TARS1: variants seen among roughly 807,000 people sequenced by gnomAD.
The protein encoded by TARS1 is threonyl-tRNA synthetase 1, also known as threonine--tRNA ligase 1, cytoplasmic.
A neutral mutation model predicts 97.7 loss-of-function variants in TARS1; 57 were observed. The ratio of observed to expected loss-of-function variants is 0.58; its 90% confidence interval spans 0.47 to 0.73. TARS1 has a LOEUF of 0.73. TARS1 is among the 30% of genes least tolerant of loss of function. The pLI is 0.00. For missense variants in TARS1, 806 were observed against 888.3 expected (o/e 0.91, Z 1.18); for synonymous variants, 312 against 293.7 (o/e 1.06, Z -0.64).
At chr5:33,453,589 A>G (rs868402981) in intron 4 of TARS1, among the ~76,000 whole-genome samples, 177 bp downstream of exon 4, 16 of 152,306 alleles carry the variant, frequency 1.1e-4, no homozygotes, top group Middle Eastern at 3.4e-3. Context: ...TGCCTTAGAA[A>G]ATAAAGGGGT....
chr5:33,458,773 GA>G (rs1281073542), intron 10 of TARS1, 109 bp downstream of exon 10: 1 of 903,750 alleles, frequency 1.1e-6, no homozygotes, highest in African/African-American at 1.7e-5. Context: ...AAATATATAA[GA>G]CGATAAGTAA....
At position 33,448,699 on chromosome 5, in the gene TARS1, A is replaced by G; in HGVS notation, c.297A>G (p.Lys99=). 1 of 1,613,756 alleles carries G rather than the reference A, an allele frequency of 6.2e-7. No individual in the cohort carries two copies. Among genetic ancestry groups the G allele is most frequent in the Non-Finnish European group, 8.5e-7 (1 of 1,179,818 alleles). The change falls in exon 3 of 19, where the codon AAA becomes AAG. Residue 99 remains lysine, a synonymous_variant. Transcript: ENST00000265112. ...AACAGGTTGATGCGGAATCTTGGAA[A>G]ACTACACCATATCAAATTGCCTGTG... ...DGKQVDAESW[K]TTPYQIACGI...
intron 3 of TARS1, among the ~76,000 whole-genome samples, chr5:33,452,722 T>G (rs1181664034): frequency 2.0e-5 from 3 of 152,158 alleles, no homozygotes; most frequent in Non-Finnish European, 4.4e-5. Context: ...AGAAAGGATC[T>G]GGTGTACATT....
chr5:33,457,422 A>T lies in TARS1; in HGVS notation c.984+19A>T, dbSNP rs1393717665. 2.2e-5 allele frequency: 35 copies of T among 1,610,604 alleles called. No homozygotes were observed. The highest frequency in any genetic ancestry group is 3.0e-5 in the Non-Finnish European group (35 of 1,178,424). The stretch of plus-strand genomic sequence containing the variant: ...TGGCAGGGTATGTTCAAGAACAATG[A>T]TGTGTCTTGACTGAGTTTTCTTCAA... On this transcript the variant is annotated intron_variant, in intron 9 of 18. Coordinates refer to ENST00000265112, the MANE Select transcript of TARS1 (RefSeq NM_152295.5).
chr5:33,458,759 G>GA, intron 10 of TARS1, 95 bp downstream of exon 10: 2 of 999,648 alleles, frequency 2.0e-6, no homozygotes, highest in Non-Finnish European at 2.9e-6. Context: ...CTGTATTTGA[G>GA]AAGAAATATA....
chr5:33,462,790 A>G (rs1235535917), intron 16 of TARS1, among the ~76,000 whole-genome samples: 9 of 152,252 alleles, frequency 5.9e-5, no homozygotes, highest in African/African-American at 1.7e-4. Flanking sequence ...AAAGCAGCAC[A>G]GGGTTATAAA....
chr5:33,460,950 G>A lies in TARS1; in HGVS notation c.1299G>A (p.Arg433=). The A allele has an allele frequency of 6.2e-7, 1 of 1,614,152 alleles. No homozygotes were observed. Among genetic ancestry groups the A allele is most frequent in the Non-Finnish European group, 8.5e-7 (1 of 1,180,036 alleles). The change falls in exon 12 of 19, where the codon CGG becomes CGA. Residue 433 remains arginine (R), a synonymous_variant. Transcript: ENST00000265112. ...RPRSWRELPL[R]LADFGVLHRN... The stretch of plus-strand genomic sequence containing the variant: ...GGTCCTGGCGAGAACTGCCTCTGCG[G>A]CTAGCTGATTTTGGGGTACTTCATA...
intron 8 of TARS1, 103 bp downstream of exon 8, chr5:33,456,330 G>A: frequency 1.1e-6 from 1 of 944,998 alleles, no homozygotes; most frequent in Non-Finnish European, 1.6e-6. Context: ...GCACATGAAA[G>A]GATGGTATTT....
In TARS1 at chr5:33,467,625, G is replaced by A. The variant is rs867579611; in HGVS notation, c.2089G>A (p.Gly697Arg). The A allele has an allele frequency of 3.7e-6, 6 of 1,613,866 alleles. No homozygotes were observed. The highest frequency in any genetic ancestry group is 3.3e-5 in the South Asian group (3 of 91,048). The change falls in exon 19 of 19, where the codon GGG becomes AGG. Residue 697 changes from glycine (G) to arginine (R), a missense_variant. Coordinates refer to ENST00000265112, the MANE Select transcript of TARS1 (RefSeq NM_152295.5). ...NIRTRDNKVH[G>R]ERTISETIER... Reference sequence around the variant, plus strand: ...CCGCACAAGAGACAATAAGGTCCACGGGGAACGCACCATTTCTGAAACTAT... The same window carrying A: ...CCGCACAAGAGACAATAAGGTCCACAGGGAACGCACCATTTCTGAAACTAT...
At position 33,448,633 on chromosome 5, in the gene TARS1, A is replaced by G. The variant is rs146538659; in HGVS notation, c.231A>G (p.Glu77=). Residue 77 remains glutamate (E), a synonymous_variant, in exon 3 of 19, where the codon GAA becomes GAG. Transcript: ENST00000265112. ...EHDSILAEKA[E]KDSKPIKVTL... is the part of the protein sequence containing the mutation. Reference sequence around the variant, plus strand: ...ATTCCATTCTGGCAGAAAAGGCAGAAAAAGATAGCAAGCCAATTAAAGTCA... The same window carrying G: ...ATTCCATTCTGGCAGAAAAGGCAGAGAAAGATAGCAAGCCAATTAAAGTCA... The G allele has an allele frequency of 6.2e-7, 1 of 1,613,980 alleles. No homozygotes were observed. Among genetic ancestry groups the G allele is most frequent in the South Asian group, 1.1e-5 (1 of 91,070 alleles).
At chr5:33,443,475 C>CTTTTTTTTTTTTTTTTT (rs199902596) in intron 1 of TARS1, among the ~76,000 whole-genome samples, 1 of 130,330 alleles carries the variant, frequency 7.7e-6, no homozygotes, top group Non-Finnish European at 1.6e-5. Context: ...ATTTTTCTTT[C>CTTTTTTTTTTTTTTTTT]TTTTTTTTTT....
chr5:33,451,038 C>T (rs1032401639), intron 3 of TARS1, among the ~76,000 whole-genome samples: 4 of 152,064 alleles, frequency 2.6e-5, no homozygotes, highest in Non-Finnish European at 5.9e-5. Context: ...AGCTTGAACT[C>T]GGGAGGTGGA....
At chr5:33,445,565 T>G (rs1330078618) in intron 2 of TARS1, among the ~76,000 whole-genome samples, 161 bp downstream of exon 2, 3 of 152,180 alleles carry the variant, frequency 2.0e-5, no homozygotes, top group Non-Finnish European at 2.9e-5. Flanking sequence ...AAGGGTAATC[T>G]GAGAGGGGAA....
intron 8 of TARS1, 32 bp downstream of exon 8, chr5:33,456,259 T>C (rs543199808): frequency 6.6e-7 from 1 of 1,507,340 alleles, no homozygotes; most frequent in East Asian, 2.3e-5. Context: ...ACTGTGAATG[T>C]ATCTGTCTAG....
chr5:33,466,170 T>C (rs1389133217), intron 17 of TARS1: 1 of 152,340 alleles, frequency 6.6e-6, no homozygotes, highest in South Asian at 2.1e-4. Flanking sequence ...ACCAGCGTCC[T>C]CCAACTTTCC....
chr5:33,442,515 T>C (rs1396017467), intron 1 of TARS1, among the ~76,000 whole-genome samples: 1 of 152,204 alleles, frequency 6.6e-6, no homozygotes, highest in Admixed American at 6.5e-5. Flanking sequence ...ACTGTATTAA[T>C]GCATTCCATG....
At position 33,448,649 on chromosome 5, in the gene TARS1, A is replaced by G. The variant is rs1185790804; in HGVS notation, c.247A>G (p.Ile83Val). ...AEKAEKDSKP[I>V]KVTLPDGKQV... ...AAAGGCAGAAAAAGATAGCAAGCCA[A>G]TTAAAGTCACTTTGCCTGATGGTAA... Residue 83 changes from isoleucine (I) to valine (V), a missense_variant, in exon 3 of 19, where the codon ATT becomes GTT. Ile to Val is a conservative substitution (Grantham distance 29). Coordinates refer to ENST00000265112, the MANE Select transcript of TARS1 (RefSeq NM_152295.5). 1.9e-6 allele frequency: 3 copies of G among 1,613,888 alleles called. No individual in the cohort carries two copies. The highest frequency in any genetic ancestry group is 2.2e-5 in the South Asian group (2 of 91,078).
At chr5:33,443,697 G>C (rs1190897790) in intron 1 of TARS1, among the ~76,000 whole-genome samples, 1 of 151,810 alleles carries the variant, frequency 6.6e-6, no homozygotes, top group Non-Finnish European at 1.5e-5. Context: ...GGGTTTCACC[G>C]TGTTAGCCAG....
At position 33,460,919 on chromosome 5, in the gene TARS1, G is replaced by A; in HGVS notation, c.1268G>A (p.Arg423Gln). Residue 423 changes from arginine to glutamine, a missense_variant, in exon 12 of 19, where the codon CGG becomes CAG. By Grantham distance (43) the Arg-to-Gln change is conservative. Around this residue, in one of 3 missense-constraint regions of TARS1, gnomAD observed 446 missense variants for 511.0 expected, o/e 0.87. Coordinates refer to ENST00000265112, the MANE Select transcript of TARS1 (RefSeq NM_152295.5). ...CPGHCLMFDH[R>Q]PRSWRELPLR... ...CTCTTCAGCCTTATGTTTGATCATC[G>A]GCCAAGGTCCTGGCGAGAACTGCCT... is the stretch of plus-strand genomic sequence containing the variant. The A allele has an allele frequency of 3.7e-6, 6 of 1,613,904 alleles. No homozygotes were observed. Among genetic ancestry groups the A allele is most frequent in the African/African-American group, 1.3e-5 (1 of 74,948 alleles).
Sources: gnomAD v4.1 joint callset for allele counts (sites outside exome capture counted in the v4.1 genomes callset) on GRCh38, gnomAD v4.1.1 for gene constraint, gnomAD v4.1.1 regional missense constraint, MANE v1.5 for transcripts, NCBI Gene and HGNC (gene_info 2026-07-23, HGNC 2026-07-21) for gene names.